OR51B5: variants seen among roughly 807,000 people sequenced by gnomAD.
OR51B5 encodes the protein olfactory receptor 51B5.
For synonymous variants in OR51B5, 186 were observed against 144.8 expected, an observed-to-expected ratio of 1.28 and a Z score of -2.04; for missense variants, 456 against 374.6, an observed-to-expected ratio of 1.22 and a Z score of -1.79.
At chr11:5,476,811 C>T (rs1330443330) in intron 1 of OR51B5, among the ~76,000 whole-genome samples, 1 of 151,954 alleles carries the variant, frequency 6.6e-6, no homozygotes, top group East Asian at 2.0e-4. Flanking sequence ...AATATTTTAC[C>T]TATATCATTA....
intron 1 of OR51B5, among the ~76,000 whole-genome samples, chr11:5,417,292 A>C (rs36161878): frequency 2.7e-5 from 4 of 149,880 alleles, no homozygotes; most frequent in Non-Finnish European, 6.0e-5. Context: ...TGGATTAAAG[A>C]CTTAAACGTT....
At chr11:5,472,581 C>G (rs1851244516) in intron 1 of OR51B5, among the ~76,000 whole-genome samples, 1 of 152,170 alleles carries the variant, frequency 6.6e-6, no homozygotes, top group Admixed American at 6.5e-5. Context: ...AGCTGGGCAG[C>G]AGGGATTCTA....
At chr11:5,354,904 G>C (rs534863487) in intron 1 of OR51B5, 1 of 173,424 alleles carries the variant, frequency 5.8e-6, no homozygotes, top group Non-Finnish European at 1.2e-5. Context: ...GCATTCAAGA[G>C]ACCTTGACGA....
chr11:5,459,672 A>G (rs10838144), intron 1 of OR51B5, among the ~76,000 whole-genome samples: 85,109 of 152,046 alleles, frequency 0.56, 26,076 homozygotes, highest in Non-Finnish European at 0.68. Context: ...AGTCAAAACC[A>G]CAATGGGATG....
At chr11:5,465,403 T>C (rs1851124751) in intron 1 of OR51B5, among the ~76,000 whole-genome samples, 1 of 152,022 alleles carries the variant, frequency 6.6e-6, no homozygotes. Flanking sequence ...AAATGTCTTC[T>C]TTTGAGAAGT....
intron 1 of OR51B5, chr11:5,454,533 A>G: frequency 1.0e-6 from 1 of 975,548 alleles, no homozygotes; most frequent in African/African-American, 1.6e-5. Context: ...CTGCGGGAAA[A>G]GTAGGCCAGG....
Position 5,478,432 on chromosome 11 carries a change from GA to G in OR51B5, n.84+27136del, listed in dbSNP as rs1442549550. Among the ~76,000 whole-genome samples, 6 of 152,028 alleles carry G rather than the reference GA, an allele frequency of 3.9e-5. No homozygotes were observed. The East Asian group carries it at 1.2e-3, about 29-fold the overall frequency. On this transcript the variant is annotated intron_variant and non_coding_transcript_variant, in intron 1 of 4. Coordinates refer to the OR51B5 transcript ENST00000415970. ...GGGAAAAAACAGAACAGAAAAACTG[GA>G]AACTCTAAAAAGCAGAGCACCTCTC...
chr11:5,469,665 A>G (rs1851196743), intron 1 of OR51B5, among the ~76,000 whole-genome samples: 1 of 152,154 alleles, frequency 6.6e-6, no homozygotes, highest in African/African-American at 2.4e-5. Context: ...ACCTTTGACT[A>G]ATTTTTAGAT....
At chr11:5,398,190 T>C (rs1458842727) in intron 1 of OR51B5, among the ~76,000 whole-genome samples, 2 of 49,226 alleles carry the variant, frequency 4.1e-5, no homozygotes, top group Non-Finnish European at 1.6e-4. Context: ...ACCCTAAAAC[T>C]TAAAAGTATA....
intron 1 of OR51B5, among the ~76,000 whole-genome samples, chr11:5,460,597 G>T: frequency 9.7e-6 from 1 of 102,568 alleles, no homozygotes; most frequent in Admixed American, 1.0e-4. Context: ...ATTTCAATCA[G>T]GTTAAGAACC....
chr11:5,374,742 G>A (rs998151665), intron 1 of OR51B5, among the ~76,000 whole-genome samples: 3 of 152,124 alleles, frequency 2.0e-5, no homozygotes, highest in Non-Finnish European at 4.4e-5. Context: ...AGTGATGGAA[G>A]ATGAAATAAA....
At chr11:5,462,922 C>T (rs1851080783) in intron 1 of OR51B5, among the ~76,000 whole-genome samples, 1 of 152,200 alleles carries the variant, frequency 6.6e-6, no homozygotes, top group Non-Finnish European at 1.5e-5. Flanking sequence ...GAATTCTCAT[C>T]TTCCTAACAT....
At chr11:5,385,812 T>C (rs1482436283) in intron 1 of OR51B5, among the ~76,000 whole-genome samples, 1 of 148,970 alleles carries the variant, frequency 6.7e-6, no homozygotes, top group East Asian at 1.9e-4. Context: ...AAAAAATCTA[T>C]AAAGTATATA....
chr11:5,477,940 G>A (rs1219636842), intron 1 of OR51B5, among the ~76,000 whole-genome samples: 12 of 151,438 alleles, frequency 7.9e-5, no homozygotes, highest in South Asian at 2.1e-4. Context: ...GGGGAGGGGC[G>A]CCCGCCATTG....
At chr11:5,463,177 A>G (rs1352852360) in intron 1 of OR51B5, among the ~76,000 whole-genome samples, 1 of 152,246 alleles carries the variant, frequency 6.6e-6, no homozygotes, top group Non-Finnish European at 1.5e-5. Flanking sequence ...TCCATTGAAT[A>G]GGCAATTAAT....
intron 1 of OR51B5, among the ~76,000 whole-genome samples, chr11:5,379,834 C>G (rs1161737543): frequency 6.6e-6 from 1 of 152,120 alleles, no homozygotes; most frequent in Non-Finnish European, 1.5e-5. Context: ...CTGGGTTTCT[C>G]TCCCTGGCGT....
chr11:5,402,635 G>T, intron 1 of OR51B5: 1 of 471,204 alleles, frequency 2.1e-6, no homozygotes, highest in Middle Eastern at 3.2e-4. Context: ...TTTTACCTAC[G>T]ACTTTCATTT....
chr11:5,349,754 C>T (rs1589946074), intron 1 of OR51B5, among the ~76,000 whole-genome samples: 2 of 152,002 alleles, frequency 1.3e-5, no homozygotes, highest in South Asian at 2.1e-4. Flanking sequence ...AGCAATAATA[C>T]CTCCTTTTCT....
chr11:5,423,542 C>T (rs1012906086), intron 1 of OR51B5, among the ~76,000 whole-genome samples: 2 of 152,138 alleles, frequency 1.3e-5, no homozygotes, highest in African/African-American at 4.8e-5. Context: ...TAGGCAGTTC[C>T]ATTTAGGCAT....
Sources: gnomAD v4.1 joint callset for allele counts (sites outside exome capture counted in the v4.1 genomes callset) on GRCh38, gnomAD v4.1.1 for gene constraint, MANE v1.5 for transcripts, NCBI Gene and HGNC (gene_info 2026-07-23, HGNC 2026-07-21) for gene names.